Variants in IBSP observed in about 807,000 individuals in gnomAD.
IBSP encodes integrin-binding sialoprotein.
A neutral mutation model predicts 25.5 loss-of-function variants in IBSP; 19 were observed. The observed-to-expected ratio is 0.74, with a 90% CI of 0.52 to 1.09. The LOEUF (loss-of-function observed/expected upper bound fraction) is 1.09, where lower values mean the gene tolerates loss of function less well. Among genes scored for constraint, IBSP ranks in the 50% least tolerant of loss-of-function variants. The pLI, the probability that IBSP is intolerant of heterozygous loss-of-function variation, is 0.00. For missense variants in IBSP, 360 were observed against 382.3 expected (o/e 0.94, Z 0.49); for synonymous variants, 144 against 137.6 (o/e 1.05, Z -0.33).
chr4:87,810,549 A>C, intron 5 of IBSP, 57 bp from the exon 6 acceptor site: 2 of 1,340,230 alleles, frequency 1.5e-6, no homozygotes, highest in African/African-American at 1.5e-5. Flanking sequence ...AGCTCCAGTA[A>C]ATCTTGAACT....
At chr4:87,805,257 A>G (rs1722074370) in intron 4 of IBSP, among the ~76,000 whole-genome samples, 1 of 152,218 alleles carries the variant, frequency 6.6e-6, no homozygotes, top group Non-Finnish European at 1.5e-5. Flanking sequence ...TAAATATTGC[A>G]GGGAAGGAAA....
chr4:87,805,529 T>C (rs940796574), intron 4 of IBSP, among the ~76,000 whole-genome samples: 2 of 152,186 alleles, frequency 1.3e-5, no homozygotes, highest in Admixed American at 6.6e-5. Flanking sequence ...GCAAATTAAA[T>C]GCTATTAAAT....
In IBSP at chr4:87,806,138, C is replaced by T. The variant is rs1340351991; in HGVS notation, c.200C>T (p.Ser67Phe). Reference sequence around the variant, plus strand: ...TATTTTTAGGGCAGTAGTGACTCATCCGAAGAAAATGGAGATGACAGTTCA... The same window carrying T: ...TATTTTTAGGGCAGTAGTGACTCATTCGAAGAAAATGGAGATGACAGTTCA... ...RFPVQGSSDS[S>F]EENGDDSSEE... The change falls in exon 5 of 7, where the codon TCC (serine) becomes TTC (phenylalanine). Residue 67 changes from serine (S) to phenylalanine (F), a missense_variant. Physicochemically the swap from Ser to Phe is radical, Grantham distance 155. Transcript: ENST00000226284. 1.2e-6 allele frequency: 2 copies of T among 1,610,978 alleles called. No homozygotes were observed. The highest frequency in any genetic ancestry group is 1.7e-6 in the Non-Finnish European group (2 of 1,178,806).
At position 87,811,770 on chromosome 4, in the gene IBSP, G is replaced by A. The variant is rs577019057; in HGVS notation, c.814G>A (p.Asp272Asn). The change falls in exon 7 of 7, where the codon GAC (aspartate) becomes AAC (asparagine). Residue 272 changes from aspartate (D) to asparagine (N), a missense_variant. Asp to Asn is a conservative substitution (Grantham distance 23). Coordinates refer to ENST00000226284, the MANE Select transcript of IBSP (RefSeq NM_004967.4). ...CGAATACACGGGCGCCAATGAATAC[G>A]ACAATGGATATGAAATCTATGAAAG... is the stretch of plus-strand genomic sequence containing the variant. ...EYEYTGANEY[D>N]NGYEIYESEN... The A allele has an allele frequency of 1.2e-6, 2 of 1,613,816 alleles. No homozygotes were observed. The highest frequency in any genetic ancestry group is 1.7e-5 in the Admixed American group (1 of 59,960).
intron 4 of IBSP, among the ~76,000 whole-genome samples, chr4:87,803,522 A>G (rs1032850584): frequency 6.6e-6 from 1 of 152,140 alleles, no homozygotes; most frequent in African/African-American, 2.4e-5. Context: ...TTAGTACCAT[A>G]CAGTTTGGGT....
chr4:87,804,690 T>C (rs1722066636), intron 4 of IBSP, among the ~76,000 whole-genome samples: 1 of 152,220 alleles, frequency 6.6e-6, no homozygotes, highest in Admixed American at 6.6e-5. Context: ...GAGAATCAAT[T>C]GGACTTAGCA....
chr4:87,811,398 G>A lies in IBSP; in HGVS notation c.442G>A (p.Glu148Lys), dbSNP rs144185482. The change falls in exon 7 of 7, where the codon GAA becomes AAA. Residue 148 changes from glutamate (E) to lysine (K), a missense_variant. Coordinates refer to ENST00000226284, the MANE Select transcript of IBSP (RefSeq NM_004967.4). ...DITNKATKEKESDEEEEEEEE... is the reference protein window; with the variant it reads ...DITNKATKEKKSDEEEEEEEE... ...AACAAATAAAGCTACAAAAGAGAAG[G>A]AAAGTGATGAAGAAGAAGAGGAGGA... 4 of 1,612,892 alleles carry A rather than the reference G, an allele frequency of 2.5e-6. No individual in the cohort carries two copies. Among genetic ancestry groups the A allele is most frequent in the Non-Finnish European group, 3.4e-6 (4 of 1,179,612 alleles).
intron 1 of IBSP, 58 bp from the exon 2 acceptor site, chr4:87,802,290 A>G: frequency 2.8e-6 from 3 of 1,083,446 alleles, no homozygotes. Context: ...AATATGAGTA[A>G]AAAAGTTATG....
rs17013181 is a variant in IBSP, at chr4:87,811,611, A to G, written c.655A>G (p.Arg219Gly). Reference sequence around the variant, plus strand: ...TGCAGAAGACACCACAGAGACCGGAAGGCAGGGCAAGGGCACCTCGAAGAC... The same window carrying G: ...TGCAGAAGACACCACAGAGACCGGAGGGCAGGGCAAGGGCACCTCGAAGAC... ...ANAEDTTETG[R>G]QGKGTSKTTT... The change falls in exon 7 of 7, where the codon AGG becomes GGG. Residue 219 changes from arginine (R) to glycine (G), a missense_variant. Coordinates refer to ENST00000226284, the MANE Select transcript of IBSP (RefSeq NM_004967.4). 360,772 of 1,613,262 alleles carry G rather than the reference A, an allele frequency of 0.22. 41,893 individuals are homozygous for G. The highest frequency in any genetic ancestry group is 0.38 in the African/African-American group (28,162 of 74,782).
At chr4:87,808,084 G>A (rs1722113849) in intron 5 of IBSP, among the ~76,000 whole-genome samples, 1 of 152,002 alleles carries the variant, frequency 6.6e-6, no homozygotes, top group Admixed American at 6.6e-5. Context: ...GAGTCCCCAG[G>A]GATTGTATTT....
At chr4:87,800,420 T>C (rs1478924232) in intron 1 of IBSP, among the ~76,000 whole-genome samples, 2 of 152,230 alleles carry the variant, frequency 1.3e-5, no homozygotes, top group Non-Finnish European at 2.9e-5. Context: ...ATTCTATGTA[T>C]CTAAGCTTTT....
At chr4:87,804,064 A>C (rs1045927607) in intron 4 of IBSP, among the ~76,000 whole-genome samples, 4 of 152,150 alleles carry the variant, frequency 2.6e-5, no homozygotes, top group Non-Finnish European at 4.4e-5. Flanking sequence ...TTTGTAGATC[A>C]AGGAGATCTT....
rs1019536727 is a variant in IBSP, at chr4:87,812,005, A to G, written c.*95A>G. On this transcript the variant is annotated 3_prime_UTR_variant, in exon 7 of 7. Transcript: ENST00000226284. Reference sequence around the variant, plus strand: ...GGAAGGTGCAATATAACAAATGTGCATATTATAATGAGGAATGGTACTACC... The same window carrying G: ...GGAAGGTGCAATATAACAAATGTGCGTATTATAATGAGGAATGGTACTACC... 5.4e-5 allele frequency: 52 copies of G among 962,744 alleles called. No homozygotes were observed. Among genetic ancestry groups the G allele is most frequent in the Non-Finnish European group, 7.8e-5 (51 of 650,474 alleles). The allele number at this position is 962,744 out of a possible 1,614,324, so 59.6% of individuals were successfully genotyped here.
intron 1 of IBSP, among the ~76,000 whole-genome samples, chr4:87,800,361 G>A (rs552001264): frequency 2.0e-5 from 3 of 152,064 alleles, no homozygotes; most frequent in Middle Eastern, 3.4e-3. Flanking sequence ...TTTTCATCTG[G>A]TTATTTTTAT....
intron 5 of IBSP, among the ~76,000 whole-genome samples, chr4:87,810,043 G>T (rs1438789508): frequency 6.6e-6 from 1 of 152,120 alleles, no homozygotes; most frequent in Non-Finnish European, 1.5e-5. Context: ...GGCCAACACG[G>T]TGAAACGCCG....
At chr4:87,802,847 T>C (rs1722040350) in intron 4 of IBSP, 116 bp downstream of exon 4, 2 of 664,860 alleles carry the variant, frequency 3.0e-6, no homozygotes, top group Non-Finnish European at 4.8e-6. Flanking sequence ...TCAAAAAGAC[T>C]GCTTACTATA....
chr4:87,811,095 G>A (rs1722163560), intron 6 of IBSP, among the ~76,000 whole-genome samples: 1 of 152,126 alleles, frequency 6.6e-6, no homozygotes, highest in Admixed American at 6.5e-5. Flanking sequence ...TTCCAAGACA[G>A]AGAAAGTGAG....
intron 5 of IBSP, among the ~76,000 whole-genome samples, chr4:87,808,433 G>A (rs544779117): frequency 6.2e-4 from 94 of 152,056 alleles, no homozygotes; most frequent in African/African-American, 2.1e-3. Flanking sequence ...CGCCCGCCTC[G>A]GCCTCCCAAA....
chr4:87,802,176 C>G (rs1722026900), intron 1 of IBSP, among the ~76,000 whole-genome samples, 172 bp from the exon 2 acceptor site: 4 of 152,020 alleles, frequency 2.6e-5, no homozygotes, highest in Admixed American at 2.6e-4. Flanking sequence ...TCTTATATTA[C>G]TTAAATGGAA....
Sources: gnomAD v4.1 joint callset for allele counts (sites outside exome capture counted in the v4.1 genomes callset) on GRCh38, gnomAD v4.1.1 for gene constraint, MANE v1.5 for transcripts, NCBI Gene and HGNC (gene_info 2026-07-23, HGNC 2026-07-21) for gene names.